Variants in KCNB2 observed in about 807,000 individuals in gnomAD.
KCNB2 encodes the protein potassium voltage-gated channel subfamily B member 2.
Under a neutral mutation model 61.5 loss-of-function variants are expected in KCNB2, and 15 were observed. The observed-to-expected ratio is 0.24, with a 90% CI of 0.16 to 0.38. The LOEUF is 0.38. Ranked by LOEUF, KCNB2 falls within the 10% of genes least tolerant of loss-of-function variation. The pLI, the probability that KCNB2 is intolerant of heterozygous loss-of-function variation, is 1.00. For synonymous variants in KCNB2, 457 were observed against 446.0 expected, an observed-to-expected ratio of 1.02 and a Z score of -0.31; for missense variants, 828 against 1,125.2, an observed-to-expected ratio of 0.74 and a Z score of 3.78.
chr8:72,737,639 C>G (rs547206240), intron 2 of KCNB2, among the ~76,000 whole-genome samples: 3 of 152,034 alleles, frequency 2.0e-5, no homozygotes, highest in South Asian at 2.1e-4. Flanking sequence ...GAGTCCTCTG[C>G]GGTAAGATGG....
chr8:72,758,146 G>A (rs1808319631), intron 2 of KCNB2, among the ~76,000 whole-genome samples: 1 of 152,204 alleles, frequency 6.6e-6, no homozygotes, highest in South Asian at 2.1e-4. Flanking sequence ...AAAGGGGGCA[G>A]GAGTTTGGTA....
intron 2 of KCNB2, among the ~76,000 whole-genome samples, chr8:72,712,940 G>C (rs925229995): frequency 3.9e-5 from 6 of 152,198 alleles, no homozygotes; most frequent in African/African-American, 1.4e-4. Flanking sequence ...ACGGCACCTG[G>C]AAAATTGGGT....
intron 2 of KCNB2, among the ~76,000 whole-genome samples, chr8:72,611,490 AC>A (rs1805538568): frequency 6.6e-6 from 1 of 152,050 alleles, no homozygotes. Context: ...TATTTTAATC[AC>A]CTATGATGTT....
At chr8:72,734,420 T>C (rs932204217) in intron 2 of KCNB2, among the ~76,000 whole-genome samples, 3 of 152,228 alleles carry the variant, frequency 2.0e-5, no homozygotes, top group Non-Finnish European at 4.4e-5. Context: ...GTATATGAAG[T>C]TACAAACTGT....
chr8:72,849,443 A>G (rs1810054767), intron 2 of KCNB2, among the ~76,000 whole-genome samples: 1 of 152,126 alleles, frequency 6.6e-6, no homozygotes. Flanking sequence ...CCTGTCTAGC[A>G]GTTTTCATCT....
At chr8:72,713,047 G>A (rs1415513513) in intron 2 of KCNB2, among the ~76,000 whole-genome samples, 3 of 152,344 alleles carry the variant, frequency 2.0e-5, no homozygotes, top group Non-Finnish European at 2.9e-5. Flanking sequence ...CTACGCCCAC[G>A]GAGCCTCACT....
intron 2 of KCNB2, among the ~76,000 whole-genome samples, chr8:72,852,326 A>G (rs1810129478): frequency 6.6e-6 from 1 of 152,206 alleles, no homozygotes; most frequent in South Asian, 2.1e-4. Flanking sequence ...TTTTAGAAAC[A>G]ATATTATCCT....
At chr8:72,658,067 G>T (rs1806319739) in intron 2 of KCNB2, among the ~76,000 whole-genome samples, 1 of 152,112 alleles carries the variant, frequency 6.6e-6, no homozygotes, top group South Asian at 2.1e-4. Flanking sequence ...GTGAAGGGAA[G>T]AGTCACTTTT....
At chr8:72,854,490 A>G (rs1283612873) in intron 2 of KCNB2, among the ~76,000 whole-genome samples, 1 of 152,216 alleles carries the variant, frequency 6.6e-6, no homozygotes, top group Non-Finnish European at 1.5e-5. Context: ...ACAAATGTTT[A>G]CCAAGTATCT....
chr8:72,772,099 G>A (rs1355875289), intron 2 of KCNB2, among the ~76,000 whole-genome samples: 1 of 152,200 alleles, frequency 6.6e-6, no homozygotes, highest in African/African-American at 2.4e-5. Flanking sequence ...ACGGGATGGA[G>A]AGGAGGCAAG....
intron 2 of KCNB2, among the ~76,000 whole-genome samples, chr8:72,797,495 G>C (rs1004645792): frequency 2.6e-5 from 4 of 152,148 alleles, no homozygotes; most frequent in East Asian, 1.9e-4. Flanking sequence ...CAAGAGTTTA[G>C]CTTTTACCTC....
At chr8:72,694,442 C>T (rs76216849) in intron 2 of KCNB2, among the ~76,000 whole-genome samples, 2,279 of 152,174 alleles carry the variant, frequency 0.015, 46 homozygotes, top group African/African-American at 0.053. Flanking sequence ...CTGCCTTAAT[C>T]GATCATTCTA....
At chr8:72,590,209 TC>T (rs905348840) in intron 2 of KCNB2, among the ~76,000 whole-genome samples, 2 of 152,184 alleles carry the variant, frequency 1.3e-5, no homozygotes, top group African/African-American at 4.8e-5. Flanking sequence ...AAGAATTACT[TC>T]CTTTTTAGGT....
chr8:72,797,064 T>G (rs1809043016), intron 2 of KCNB2, among the ~76,000 whole-genome samples: 1 of 152,176 alleles, frequency 6.6e-6, no homozygotes, highest in Non-Finnish European at 1.5e-5. Context: ...TCCAGGTCAA[T>G]AACGATGGTA....
chr8:72,789,272 C>T (rs1808895458), intron 2 of KCNB2, among the ~76,000 whole-genome samples: 2 of 152,218 alleles, frequency 1.3e-5, no homozygotes, highest in South Asian at 2.1e-4. Flanking sequence ...TTATTAACAA[C>T]ATTTTATGGG....
At chr8:72,540,519 G>GT (rs1027585088) in intron 1 of KCNB2, among the ~76,000 whole-genome samples, 9 of 151,606 alleles carry the variant, frequency 5.9e-5, no homozygotes, top group South Asian at 2.1e-4. Context: ...GTTGTTGTTT[G>GT]TTTTTTTTAA....
intron 2 of KCNB2, among the ~76,000 whole-genome samples, chr8:72,680,303 T>C (rs1806730578): frequency 6.6e-6 from 1 of 151,724 alleles, no homozygotes; most frequent in African/African-American, 2.4e-5. Flanking sequence ...TTTGAGGGAG[T>C]GTGGGAGGTG....
intron 2 of KCNB2, among the ~76,000 whole-genome samples, chr8:72,916,352 T>C (rs1806399979): frequency 6.6e-6 from 1 of 152,130 alleles, no homozygotes; most frequent in Non-Finnish European, 1.5e-5. Context: ...GCTTCACTGG[T>C]GGCAGGAGCA....
chr8:72,914,285 T>G (rs1806353181), intron 2 of KCNB2, among the ~76,000 whole-genome samples: 1 of 152,148 alleles, frequency 6.6e-6, no homozygotes, highest in Non-Finnish European at 1.5e-5. Context: ...TTGCAACATA[T>G]GAATTTAGTG....
Sources: gnomAD v4.1 joint callset for allele counts (sites outside exome capture counted in the v4.1 genomes callset) on GRCh38, gnomAD v4.1.1 for gene constraint, MANE v1.5 for transcripts, NCBI Gene and HGNC (gene_info 2026-07-23, HGNC 2026-07-21) for gene names.